The following ZBTB20 variants were observed in gnomAD, a reference collection of about 807,000 sequenced individuals.
The protein encoded by ZBTB20 is zinc finger and BTB domain-containing protein 20.
In ZBTB20, 9 loss-of-function variants were observed where a neutral mutation model predicts 56.9. That is an observed-to-expected ratio of 0.16 (90% confidence interval 0.10 to 0.28). The LOEUF is 0.28. ZBTB20 is among the 10% of genes least tolerant of loss of function. The pLI, the probability that ZBTB20 is intolerant of heterozygous loss-of-function variation, is 1.00. For synonymous variants in ZBTB20, 417 were observed against 420.7 expected, an observed-to-expected ratio of 0.99 and a Z score of 0.11; for missense variants, 655 against 1,003.0, an observed-to-expected ratio of 0.65 and a Z score of 4.69.
Position 114,351,047 on chromosome 3 carries a change from CT to C in ZBTB20, c.1030del (p.Arg344GlyfsTer40). Reference sequence around the variant, plus strand: ...TTCGTTGCGTTCCAGGATCTGCACCCTTTGCTGCCCGTAGTAGTCGTAATCG... The same window carrying C: ...TTCGTTGCGTTCCAGGATCTGCACCCTTGCTGCCCGTAGTAGTCGTAATCG... The part of the protein sequence containing the change: ...EDDYDYYGQQ[R>X]VQILERNESE... On this transcript the variant is annotated frameshift_variant, in exon 11 of 12. Coordinates refer to ENST00000675478, the MANE Select transcript of ZBTB20 (RefSeq NM_001348800.3). LOFTEE classifies it high-confidence loss of function. 1 of 1,611,854 alleles carries C rather than the reference CT, an allele frequency of 6.2e-7. No individual in the cohort carries two copies.
In ZBTB20 at chr3:114,327,471, T is replaced by C. The variant is rs2079101115; in HGVS notation, c.*11534A>G. On this transcript the variant is annotated 3_prime_UTR_variant, in exon 12 of 12. Coordinates refer to ENST00000675478, the MANE Select transcript of ZBTB20 (RefSeq NM_001348800.3). ...AAAAAAAAAATACCAGGAGTTAGAA[T>C]GGACAAAGAAAAAGAAGGATATAGG... The C allele has an allele frequency of 6.6e-6, 1 of 152,054 alleles. No homozygotes were observed. Among genetic ancestry groups the C allele is most frequent in the South Asian group, 2.1e-4 (1 of 4,814 alleles). 9.4% of individuals were successfully genotyped at this position (152,054 alleles called of 1,614,324 possible). A position where few individuals can be genotyped will look rare whatever the true frequency, so the allele number is the denominator to read the frequency against.
intron 3 of ZBTB20, among the ~76,000 whole-genome samples, chr3:114,948,734 TA>T (rs1263334074): frequency 6.9e-6 from 1 of 145,906 alleles, no homozygotes; most frequent in Non-Finnish European, 1.5e-5. Flanking sequence ...ACAAGAGCAT[TA>T]AAAAATCTAA....
chr3:114,762,436 C>A (rs1406156340), intron 5 of ZBTB20, among the ~76,000 whole-genome samples: 1 of 152,162 alleles, frequency 6.6e-6, no homozygotes, highest in East Asian at 1.9e-4. Flanking sequence ...TTGACCTAAA[C>A]TATGGCACAA....
At chr3:114,839,064 T>C (rs947327336) in intron 4 of ZBTB20, among the ~76,000 whole-genome samples, 1 of 152,112 alleles carries the variant, frequency 6.6e-6, no homozygotes, top group African/African-American at 2.4e-5. Flanking sequence ...AACCAGCCAT[T>C]TTCCTCCCTG....
intron 1 of ZBTB20, among the ~76,000 whole-genome samples, chr3:115,079,270 A>C (rs2082707638): frequency 1.3e-5 from 2 of 152,202 alleles, no homozygotes; most frequent in South Asian, 4.1e-4. Context: ...TCCAGGGCTA[A>C]TGAGTATTAC....
chr3:114,879,309 G>A (rs898555948), intron 4 of ZBTB20, among the ~76,000 whole-genome samples: 13 of 152,112 alleles, frequency 8.5e-5, no homozygotes, highest in African/African-American at 3.1e-4. Context: ...GGGACTGTAT[G>A]AGTGCTGGAG....
At chr3:114,382,902 G>A (rs1302621856) in intron 8 of ZBTB20, among the ~76,000 whole-genome samples, 3 of 152,100 alleles carry the variant, frequency 2.0e-5, no homozygotes, top group Admixed American at 6.5e-5. Context: ...GCCAACATGG[G>A]CTAAAGAATA....
chr3:115,048,481 T>C (rs1418226685), intron 2 of ZBTB20, among the ~76,000 whole-genome samples: 1 of 152,180 alleles, frequency 6.6e-6, no homozygotes, highest in Non-Finnish European at 1.5e-5. Flanking sequence ...ATATAATTTA[T>C]ACTGATAAAT....
chr3:114,371,882 G>A (rs1474167652), intron 10 of ZBTB20, among the ~76,000 whole-genome samples: 1 of 149,476 alleles, frequency 6.7e-6, no homozygotes, highest in Non-Finnish European at 1.5e-5. Context: ...ATTCCTCAGA[G>A]AGAACAAATG....
chr3:114,859,087 AT>A (rs2075373298), intron 4 of ZBTB20, among the ~76,000 whole-genome samples: 2 of 152,062 alleles, frequency 1.3e-5, no homozygotes, highest in Admixed American at 6.6e-5. Context: ...GAAAAAAAAT[AT>A]TTTTTAAAAA....
rs1036973964 is a variant in ZBTB20, at chr3:114,325,067, G to C, written c.*13938C>G. On this transcript the variant is annotated 3_prime_UTR_variant, in exon 12 of 12. Transcript: ENST00000675478. ...TCTCACCTTTGTTTGCCATGATGAA[G>C]ATTACTAAGACACCCTGCTTTCATC... The C allele has an allele frequency of 1.3e-5, 2 of 152,100 alleles. No individual in the cohort carries two copies. The highest frequency in any genetic ancestry group is 2.9e-5 in the Non-Finnish European group (2 of 68,008). 9.4% of individuals were successfully genotyped at this position (152,100 alleles called of 1,614,324 possible).
chr3:114,495,376 C>T (rs368597146), intron 7 of ZBTB20, among the ~76,000 whole-genome samples: 7 of 151,906 alleles, frequency 4.6e-5, no homozygotes, highest in Non-Finnish European at 8.8e-5. Flanking sequence ...AAGAGGTTGT[C>T]GCAGTGCAGT....
intron 5 of ZBTB20, among the ~76,000 whole-genome samples, chr3:114,697,791 A>T (rs2063136620): frequency 6.6e-6 from 1 of 152,024 alleles, no homozygotes; most frequent in Non-Finnish European, 1.5e-5. Context: ...AGAGGAAAAA[A>T]TAGGAATGAA....
chr3:114,492,008 C>T (rs1336878913), intron 7 of ZBTB20, among the ~76,000 whole-genome samples: 1 of 152,182 alleles, frequency 6.6e-6, no homozygotes, highest in East Asian at 1.9e-4. Flanking sequence ...ACATCACTGA[C>T]CACTACCTTT....
At chr3:114,412,824 T>C (rs2088113116) in intron 7 of ZBTB20, among the ~76,000 whole-genome samples, 1 of 152,166 alleles carries the variant, frequency 6.6e-6, no homozygotes, top group Non-Finnish European at 1.5e-5. Flanking sequence ...CTTCAGTCTC[T>C]AGCTTTTCCT....
chr3:114,431,383 C>A (rs2090106757), intron 7 of ZBTB20, among the ~76,000 whole-genome samples: 1 of 152,098 alleles, frequency 6.6e-6, no homozygotes, highest in Non-Finnish European at 1.5e-5. Flanking sequence ...AGCTTTCTAG[C>A]CCCTTCTACA....
intron 6 of ZBTB20, among the ~76,000 whole-genome samples, chr3:114,576,384 CCCAG>C (rs1559983169): frequency 1.3e-5 from 2 of 150,938 alleles, no homozygotes; most frequent in African/African-American, 4.9e-5. Flanking sequence ...CGCCTGTAGT[CCCAG>C]CTACTCGGGA....
At chr3:114,906,677 T>C (rs567087599) in intron 3 of ZBTB20, among the ~76,000 whole-genome samples, 4 of 151,642 alleles carry the variant, frequency 2.6e-5, no homozygotes, top group Middle Eastern at 3.4e-3. Flanking sequence ...AGGGGCTCAC[T>C]ATTGATTAGT....
At chr3:114,924,087 A>G (rs1232481316) in intron 3 of ZBTB20, among the ~76,000 whole-genome samples, 1 of 152,170 alleles carries the variant, frequency 6.6e-6, no homozygotes, top group Admixed American at 6.5e-5. Context: ...AAACGAAAAC[A>G]CTTGTCCACT....
Sources: gnomAD v4.1 joint callset for allele counts (sites outside exome capture counted in the v4.1 genomes callset) on GRCh38, gnomAD v4.1.1 for gene constraint, MANE v1.5 for transcripts, NCBI Gene and HGNC (gene_info 2026-07-23, HGNC 2026-07-21) for gene names.